Variants in MYBPC3 observed in about 807,000 individuals in gnomAD.
The protein encoded by MYBPC3 is myosin binding protein C3.
In MYBPC3, 108 loss-of-function variants were observed where a neutral mutation model predicts 159.3. That is an observed-to-expected ratio of 0.68 (90% CI 0.58 to 0.80). The LOEUF is 0.80. MYBPC3 is among the 30% of genes least tolerant of loss of function. MYBPC3 has a pLI of 0.00. For synonymous variants in MYBPC3, 730 were observed against 702.0 expected, an observed-to-expected ratio of 1.04 and a Z score of -0.63; for missense variants, 1,631 against 1,762.1, an observed-to-expected ratio of 0.93 and a Z score of 1.33.
chr11:47,349,394 A>G (rs1052568303), intron 5 of MYBPC3, among the ~76,000 whole-genome samples: 1 of 151,890 alleles, frequency 6.6e-6, no homozygotes, highest in African/African-American at 2.4e-5. Context: ...TAGCCCTGAT[A>G]CTCACCCATC....
At chr11:47,334,234 G>A (rs1383799195) in intron 27 of MYBPC3, among the ~76,000 whole-genome samples, 1 of 152,232 alleles carries the variant, frequency 6.6e-6, no homozygotes, top group Non-Finnish European at 1.5e-5. Flanking sequence ...GGATCAGAGA[G>A]GGTAAGCAAC....
intron 18 of MYBPC3, 100 bp downstream of exon 18, chr11:47,341,891 G>C: frequency 6.8e-7 from 1 of 1,461,206 alleles, no homozygotes; most frequent in East Asian, 2.5e-5. Flanking sequence ...CTGCCTCTCT[G>C]TCCACCTGTC....
chr11:47,342,750 CGGGT>C lies in MYBPC3; in HGVS notation c.1458-10_1458-7del, dbSNP rs778947597. The C allele has an allele frequency of 6.2e-7, 1 of 1,613,722 alleles. No individual in the cohort carries two copies. On this transcript the variant is annotated splice_region_variant and splice_polypyrimidine_tract_variant and intron_variant, in intron 16 of 34. Transcript: ENST00000545968. ...GCTCCACCCCGTCCTTCAGCCTAGC[CGGGT>C]GGGTGGGTGGCAAGTGCTGTGGCCT... is the stretch of plus-strand genomic sequence containing the variant.
intron 27 of MYBPC3, 56 bp from the exon 28 acceptor site, chr11:47,334,066 C>T: frequency 6.7e-7 from 1 of 1,493,286 alleles, no homozygotes; most frequent in East Asian, 2.5e-5. Flanking sequence ...TGAGGGGCTC[C>T]ACAGCTCCAA....
At chr11:47,348,378 A>G (rs1030552712) in intron 6 of MYBPC3, 46 bp downstream of exon 6, 1 of 1,395,074 alleles carries the variant, frequency 7.2e-7, no homozygotes, top group African/African-American at 1.4e-5. Flanking sequence ...GGAGACCAGG[A>G]CCCATGGGGA....
chr11:47,341,261 G>C lies in MYBPC3; in HGVS notation c.1791-17C>G. 1 of 1,556,940 alleles carries C rather than the reference G, an allele frequency of 6.4e-7. No homozygotes were observed. The highest frequency in any genetic ancestry group is 8.7e-7 in the Non-Finnish European group (1 of 1,148,510). ...TTGTGGACCCTGCAGGGGAGCAGTGGCTCAGGGGACCCCACTGGGCCACAC... is the reference window on the plus strand; with the variant it reads ...TTGTGGACCCTGCAGGGGAGCAGTGCCTCAGGGGACCCCACTGGGCCACAC... On this transcript the variant is annotated splice_polypyrimidine_tract_variant and intron_variant, in intron 18 of 34. Transcript: ENST00000545968.
intron 12 of MYBPC3, among the ~76,000 whole-genome samples, chr11:47,344,450 G>C (rs565937822): frequency 2.1e-4 from 32 of 152,310 alleles, no homozygotes; most frequent in African/African-American, 7.7e-4. Context: ...GGCAGAGCTG[G>C]GTCTTGAGCC....
chr11:47,342,796 C>T (rs757811178), intron 16 of MYBPC3, 34 bp downstream of exon 16: 2 of 1,612,086 alleles, frequency 1.2e-6, no homozygotes, highest in African/African-American at 2.7e-5. Context: ...GGCAGATGCC[C>T]CCAACACCCA....
In MYBPC3 at chr11:47,351,861, G is replaced by T. The variant is rs531069161; in HGVS notation, c.26-356C>A. Among the ~76,000 whole-genome samples, 1 of 152,180 alleles carries T rather than the reference G, an allele frequency of 6.6e-6. No individual in the cohort carries two copies. The highest frequency in any genetic ancestry group is 1.5e-5 in the Non-Finnish European group (1 of 68,028). ...CCATTTCGGGCCCTTGGCAGGGGGC[G>T]GGGAAGTCTGCCTACTTGGAATGTG... is the stretch of plus-strand genomic sequence containing the variant. On this transcript the variant is annotated intron_variant, in intron 1 of 34. Coordinates refer to ENST00000545968, the MANE Select transcript of MYBPC3 (RefSeq NM_000256.3). The surrounding 1 kb of genome is among the most constrained non-coding windows in gnomAD (Gnocchi z 4.2).
At chr11:47,335,699 C>T in intron 26 of MYBPC3, 178 bp downstream of exon 26, 1 of 523,962 alleles carries the variant, frequency 1.9e-6, no homozygotes, top group Non-Finnish European at 3.3e-6. Context: ...CTTTACTCTG[C>T]ATTTGTTTTT....
In MYBPC3 at chr11:47,351,110, C is replaced by CG. The variant is rs1214768607; in HGVS notation, c.292+128dup. 9.8e-6 allele frequency: 12 copies of CG among 1,218,678 alleles called. No homozygotes were observed. The highest frequency in any genetic ancestry group is 2.9e-5 in the Admixed American group (1 of 34,012). 75.5% of individuals were successfully genotyped at this position (1,218,678 alleles called of 1,614,324 possible). A position where few individuals can be genotyped will look rare whatever the true frequency, so the allele number is the denominator to read the frequency against. On this transcript the variant is annotated intron_variant, in intron 2 of 34. Coordinates refer to ENST00000545968, the MANE Select transcript of MYBPC3 (RefSeq NM_000256.3). This position sits in a 1 kb window ranked among gnomAD's most constrained non-coding sequence, Gnocchi z 4.2. ...GAAAAGGGGGAAAGGGCGTTCCTGG[C>CG]GGGGGGCACAGCCACAGCAAAGGCA... is the stretch of plus-strand genomic sequence containing the variant.
In MYBPC3 at chr11:47,343,082, G is replaced by A. The variant is rs200664621; in HGVS notation, c.1290C>T (p.Asp430=). The A allele has an allele frequency of 1.4e-5, 22 of 1,611,696 alleles. No homozygotes were observed. The highest frequency in any genetic ancestry group is 4.0e-5 in the African/African-American group (3 of 74,858). ...TLTISQCSLA[D]DAAYQCVVGG... The stretch of plus-strand genomic sequence containing the variant: ...CCACCACGCACTGGTAGGCTGCGTC[G>A]TCCGCCAATGAGCACTGGCTGATGG... The change falls in exon 15 of 35, where the codon GAC becomes GAT. Residue 430 remains aspartate (D), a synonymous_variant. Transcript: ENST00000545968.
Position 47,339,685 on chromosome 11 carries a change from G to C in MYBPC3, c.2033C>G (p.Ala678Gly). ...RLDVPISGDP[A>G]PTVIWQKAIT... ...AGCCTTCTGCCAGATCACAGTGGGA[G>C]CAGGGTCCCCAGAGATAGGGACGTC... Residue 678 changes from alanine (A) to glycine (G), a missense_variant, in exon 21 of 35, where the codon GCT becomes GGT. Transcript: ENST00000545968. The C allele has an allele frequency of 6.2e-7, 1 of 1,612,170 alleles. No individual in the cohort carries two copies. Among genetic ancestry groups the C allele is most frequent in the South Asian group, 1.1e-5 (1 of 90,884 alleles).
At chr11:47,345,642 G>A (rs1220314195) in intron 12 of MYBPC3, among the ~76,000 whole-genome samples, 1 of 152,202 alleles carries the variant, frequency 6.6e-6, no homozygotes, top group Non-Finnish European at 1.5e-5. Flanking sequence ...CCTCAGTGGA[G>A]AAGGGCTATT....
chr11:47,347,610 G>A (rs910688064), intron 8 of MYBPC3, 41 bp downstream of exon 8: 1 of 1,566,428 alleles, frequency 6.4e-7, no homozygotes, highest in East Asian at 2.4e-5. Context: ...AGACCCCTGG[G>A]GGTCTGCGGA....
chr11:47,331,920 C>T (rs11570118), intron 33 of MYBPC3, 39 bp from the exon 34 acceptor site: 32 of 1,606,142 alleles, frequency 2.0e-5, no homozygotes, highest in Non-Finnish European at 2.7e-5. Context: ...TCCTCCCAGC[C>T]TTCTGGAAGC....
In MYBPC3 at chr11:47,351,534, C is replaced by T. The variant is rs1390898919; in HGVS notation, c.26-29G>A. On this transcript the variant is annotated intron_variant, in intron 1 of 34. Coordinates refer to ENST00000545968, the MANE Select transcript of MYBPC3 (RefSeq NM_000256.3). The surrounding 1 kb of genome is among the most constrained non-coding windows in gnomAD (Gnocchi z 4.2). ...AAGGGCCAGGTGGAGGCTACAGCGG[C>T]CCCTGGTTGGAGCGTGCACCCCGCC... The T allele has an allele frequency of 6.4e-7, 1 of 1,553,426 alleles. No individual in the cohort carries two copies.
intron 20 of MYBPC3, among the ~76,000 whole-genome samples, chr11:47,340,472 G>C (rs2095887385): frequency 6.6e-6 from 1 of 152,184 alleles, no homozygotes; most frequent in Admixed American, 6.5e-5. Flanking sequence ...AAACCATCCT[G>C]GCTAACATGG....
chr11:47,345,785 C>T (rs919829446), intron 12 of MYBPC3, among the ~76,000 whole-genome samples: 1 of 152,202 alleles, frequency 6.6e-6, no homozygotes, highest in Non-Finnish European at 1.5e-5. Flanking sequence ...CTTAGCGGGC[C>T]TCTTCCCTTT....
Sources: gnomAD v4.1 joint callset for allele counts (sites outside exome capture counted in the v4.1 genomes callset) on GRCh38, gnomAD v4.1.1 for gene constraint, Gnocchi (gnomAD v3.1) non-coding constraint, MANE v1.5 for transcripts, NCBI Gene and HGNC (gene_info 2026-07-23, HGNC 2026-07-21) for gene names.